The following ZNF791 variants were observed in gnomAD, a reference collection of about 807,000 sequenced individuals.
ZNF791 encodes zinc finger protein 791.
A neutral mutation model predicts 11.5 loss-of-function variants in ZNF791; 4 were observed. The ratio of observed to expected loss-of-function variants is 0.35; its 90% CI spans 0.17 to 0.80. The LOEUF (loss-of-function observed/expected upper bound fraction) is 0.80. Ranked by LOEUF, ZNF791 falls within the 30% of genes least tolerant of loss-of-function variation. The pLI, the probability that ZNF791 is intolerant of heterozygous loss-of-function variation, is 0.53. For synonymous variants in ZNF791, 212 were observed against 228.1 expected, an observed-to-expected ratio of 0.93 and a Z score of 0.64; for missense variants, 559 against 699.4, an observed-to-expected ratio of 0.80 and a Z score of 2.26.
intron 1 of ZNF791, among the ~76,000 whole-genome samples, chr19:12,621,971 A>G (rs2023356844): frequency 7.6e-6 from 1 of 131,626 alleles, no homozygotes; most frequent in Non-Finnish European, 1.7e-5. Context: ...CTGTGTAGAA[A>G]GTAGACATGG....
rs771955203 is a variant in ZNF791, at chr19:12,628,989, A to C, written c.1460A>C (p.Lys487Thr). Residue 487 changes from lysine to threonine, a missense_variant, in exon 4 of 4, where the codon AAA becomes ACA. Physicochemically the swap from Lys to Thr is moderately conservative, Grantham distance 78. Transcript: ENST00000343325. ...TGTTCTAGTTACATTCGGATACATAAAAGAACTCACACTGGGGAGAAACCT... is the reference window on the plus strand; with the variant it reads ...TGTTCTAGTTACATTCGGATACATACAAGAACTCACACTGGGGAGAAACCT... Reference protein sequence around the residue: ...FSCSSYIRIHKRTHTGEKPYE... With the variant: ...FSCSSYIRIHTRTHTGEKPYE... 1.1e-4 allele frequency: 170 copies of C among 1,613,952 alleles called. No homozygotes were observed. The highest frequency in any genetic ancestry group is 5.1e-6 in the Non-Finnish European group (6 of 1,180,008).
At chr19:12,627,006 C>A (rs2023439349) in intron 3 of ZNF791, among the ~76,000 whole-genome samples, 2 of 152,050 alleles carry the variant, frequency 1.3e-5, no homozygotes, top group Non-Finnish European at 2.9e-5. Context: ...CAAGACGAGA[C>A]CCTGTCTCTA....
At chr19:12,625,051 A>G (rs1027892742) in intron 3 of ZNF791, among the ~76,000 whole-genome samples, 1 of 149,786 alleles carries the variant, frequency 6.7e-6, no homozygotes, top group Non-Finnish European at 1.5e-5. Context: ...CTCTGTCTCA[A>G]AAAAAAAAAG....
intron 1 of ZNF791, among the ~76,000 whole-genome samples, chr19:12,614,983 G>A (rs113673549): frequency 0.026 from 2,857 of 111,788 alleles, 206 homozygotes; most frequent in African/African-American, 0.098. Context: ...GCCTCAGGCC[G>A]TCCTCCCACC....
intron 1 of ZNF791, among the ~76,000 whole-genome samples, chr19:12,621,525 G>A (rs568163285): frequency 2.6e-5 from 4 of 151,716 alleles, no homozygotes; most frequent in South Asian, 4.2e-4. Context: ...AAATTAATAC[G>A]TCTCTAAAAG....
At chr19:12,620,413 C>G (rs939008247) in intron 1 of ZNF791, among the ~76,000 whole-genome samples, 1 of 151,706 alleles carries the variant, frequency 6.6e-6, no homozygotes, top group East Asian at 1.9e-4. Context: ...TGGGCTCAAA[C>G]GATCTGCCCA....
At chr19:12,622,424 A>AAC (rs1476528014) in intron 1 of ZNF791, among the ~76,000 whole-genome samples, 6 of 146,600 alleles carry the variant, frequency 4.1e-5, no homozygotes, top group Non-Finnish European at 9.1e-5. Flanking sequence ...AAAAAAAAAA[A>AAC]AAAAAAAACC....
chr19:12,621,361 G>GCT (rs897900766), intron 1 of ZNF791, among the ~76,000 whole-genome samples: 30 of 152,186 alleles, frequency 2.0e-4, no homozygotes, highest in African/African-American at 7.0e-4. Context: ...TTGTGCCTGA[G>GCT]CTGTCTTCCC....
rs754478254 is a variant in ZNF791, at chr19:12,627,815, G to A, written c.286G>A (p.Gly96Arg). The change falls in exon 4 of 4, where the codon GGA (glycine) becomes AGA (arginine). Residue 96 changes from glycine (G) to arginine (R), a missense_variant. By Grantham distance (125) the Gly-to-Arg change is moderately radical. Transcript: ENST00000343325. ...TCTCAGTGTGACGAAGAAGACTGCC[G>A]GAGTAAAACCATATGAGTGTACTAT... The part of the protein sequence containing the change: ...PNLSVTKKTA[G>R]VKPYECTICG... 3.0e-5 allele frequency: 48 copies of A among 1,613,972 alleles called. No homozygotes were observed. Among genetic ancestry groups the A allele is most frequent in the East Asian group, 6.7e-5 (3 of 44,898 alleles).
chr19:12,627,708 T>A lies in ZNF791; in HGVS notation c.192-13T>A. On this transcript the variant is annotated splice_polypyrimidine_tract_variant and intron_variant, in intron 3 of 3. Transcript: ENST00000343325. ...TACACAACCAGTATTACCGTGCTTC[T>A]AATTTTTTACAGAAGCCATACGGGA... 6.3e-7 allele frequency: 1 copy of A among 1,594,734 alleles called. No individual in the cohort carries two copies. Among genetic ancestry groups the A allele is most frequent in the South Asian group, 1.1e-5 (1 of 89,468 alleles).
intron 1 of ZNF791, among the ~76,000 whole-genome samples, chr19:12,619,986 C>T (rs1374325514): frequency 1.3e-5 from 2 of 151,188 alleles, no homozygotes; most frequent in African/African-American, 2.4e-5. Context: ...TGCAGTGGCG[C>T]GATCTCGGCT....
chr19:12,625,368 GCCTCAGCCTT>G (rs2023410197), intron 3 of ZNF791, among the ~76,000 whole-genome samples: 1 of 151,478 alleles, frequency 6.6e-6, no homozygotes, highest in African/African-American at 2.4e-5. Flanking sequence ...TGATCTGCCC[GCCTCAGCCTT>G]CCAAAGTGCT....
At position 12,628,579 on chromosome 19, in the gene ZNF791, T is replaced by C; in HGVS notation, c.1050T>C (p.His350=). The C allele has an allele frequency of 1.3e-6, 2 of 1,597,774 alleles. No individual in the cohort carries two copies. The highest frequency in any genetic ancestry group is 1.7e-6 in the Non-Finnish European group (2 of 1,173,500). Residue 350 remains histidine (H), a synonymous_variant, in exon 4 of 4, where the codon CAT becomes CAC. Coordinates refer to ENST00000343325, the MANE Select transcript of ZNF791 (RefSeq NM_153358.3). ...CCTTTCGAGTACACGTGAGAGTGCATACTGGAGAGAAACCCTATAAGTGTA... is the reference window on the plus strand; with the variant it reads ...CCTTTCGAGTACACGTGAGAGTGCACACTGGAGAGAAACCCTATAAGTGTA... ...RPAFRVHVRV[H]TGEKPYKCKE... is the part of the protein sequence containing the mutation.
In ZNF791 at chr19:12,628,838, G is replaced by A; in HGVS notation, c.1309G>A (p.Asp437Asn). ...AAGACACATGATCACCCACACTGGA[G>A]ACGGACCTTATAAATGTAGGGACTG... is the stretch of plus-strand genomic sequence containing the variant. ...FRRHMITHTG[D>N]GPYKCRDCGK... The change falls in exon 4 of 4, where the codon GAC (aspartate) becomes AAC (asparagine). Residue 437 changes from aspartate (D) to asparagine (N), a missense_variant. Physicochemically the swap from Asp to Asn is conservative, Grantham distance 23. Transcript: ENST00000343325. 1 of 1,614,004 alleles carries A rather than the reference G, an allele frequency of 6.2e-7. No individual in the cohort carries two copies. The highest frequency in any genetic ancestry group is 8.5e-7 in the Non-Finnish European group (1 of 1,180,012).
rs142576238 is a variant in ZNF791, at chr19:12,627,729, C to A, written c.200C>A (p.Thr67Lys). Residue 67 changes from threonine (T) to lysine (K), a missense_variant, in exon 4 of 4, where the codon ACG becomes AAG. By Grantham distance (78) the Thr-to-Lys change is moderately conservative. Transcript: ENST00000343325. ...KNQGRNLRSH[T>K]GERLCEGKEG... The stretch of plus-strand genomic sequence containing the variant: ...CTTCTAATTTTTTACAGAAGCCATA[C>A]GGGAGAGAGACTCTGTGAAGGTAAA... 2.5e-6 allele frequency: 4 copies of A among 1,607,940 alleles called. No individual in the cohort carries two copies. The African/African-American group carries it at 4.0e-5, about 16-fold the overall frequency.
chr19:12,622,907 A>AAG (rs1555703397), intron 1 of ZNF791, among the ~76,000 whole-genome samples: 2 of 97,564 alleles, frequency 2.0e-5, no homozygotes, highest in Non-Finnish European at 5.2e-5. Flanking sequence ...AAAAAAAAAA[A>AAG]AAAGAAAGAA....
rs1009084246 is a variant in ZNF791 at position 12,632,515 on chromosome 19, C to G, written c.*3255C>G. Reference sequence around the variant, plus strand: ...AATTTCTTGGCCAGACACGGTGGCTCACTCCTTTGTAATTCCAGCACTTTG... The same window carrying G: ...AATTTCTTGGCCAGACACGGTGGCTGACTCCTTTGTAATTCCAGCACTTTG... On this transcript the variant is annotated 3_prime_UTR_variant, in exon 4 of 4. Transcript: ENST00000343325. 6.6e-6 allele frequency: 1 copy of G among 152,114 alleles called. No individual in the cohort carries two copies. Among genetic ancestry groups the G allele is most frequent in the Admixed American group, 6.6e-5 (1 of 15,256 alleles). The allele number at this position is 152,114 out of a possible 1,614,324, so 9.4% of individuals were successfully genotyped here.
chr19:12,612,482 G>T (rs1490197203), intron 1 of ZNF791: 1 of 147,226 alleles, frequency 6.8e-6, no homozygotes, highest in African/African-American at 2.5e-5. Flanking sequence ...TAGCTTTCTC[G>T]CCAGGCTGGA....
At chr19:12,621,714 C>CGG (rs1028468268) in intron 1 of ZNF791, among the ~76,000 whole-genome samples, 1 of 74,980 alleles carries the variant, frequency 1.3e-5, no homozygotes, top group African/African-American at 5.0e-5. Context: ...ACCTCCACCT[C>CGG]GGTGGGGGGT....
Sources: gnomAD v4.1 joint callset for allele counts (sites outside exome capture counted in the v4.1 genomes callset) on GRCh38, gnomAD v4.1.1 for gene constraint, MANE v1.5 for transcripts, NCBI Gene and HGNC (gene_info 2026-07-23, HGNC 2026-07-21) for gene names.